Variants in FIGNL2 observed in about 807,000 individuals in gnomAD.
The protein encoded by FIGNL2 is fidgetin like 2.
For synonymous variants in FIGNL2, 565 were observed against 484.0 expected, an observed-to-expected ratio of 1.17 and a Z score of -2.20; for missense variants, 1,060 against 950.2, an observed-to-expected ratio of 1.12 and a Z score of -1.52.
chr12:51,821,822 G>T lies in FIGNL2; in HGVS notation c.592C>A (p.Pro198Thr). The T allele has an allele frequency of 7.8e-7, 1 of 1,276,312 alleles. No individual in the cohort carries two copies. The allele number at this position is 1,276,312 out of a possible 1,614,324, so 79.1% of individuals were successfully genotyped here. A position where few individuals can be genotyped will look rare whatever the true frequency, so the allele number is the denominator to read the frequency against. The change falls in exon 2 of 2, where the codon CCC becomes ACC. Residue 198 changes from proline to threonine, a missense_variant. Physicochemically the swap from Pro to Thr is conservative, Grantham distance 38. Coordinates refer to ENST00000618634, the MANE Select transcript of FIGNL2 (RefSeq NM_001384995.1). ...GGATAGTTGTACAGCGGCGCTGAGG[G>T]CCCGTACCCCGGAGGCGGTGGGGGC... ...LQPPPPPGYG[P>T]SAPLYNYPAG...
intron 1 of FIGNL2, chr12:51,847,907 A>G: frequency 1.2e-6 from 1 of 865,268 alleles, no homozygotes; most frequent in Non-Finnish European, 1.4e-6. Context: ...AGGTGAGTAC[A>G]GCCTCCTACA....
At chr12:51,829,420 G>T (rs1205057727) in intron 1 of FIGNL2, among the ~76,000 whole-genome samples, 1 of 152,092 alleles carries the variant, frequency 6.6e-6, no homozygotes, top group Non-Finnish European at 1.5e-5. Context: ...AGGGGACTCT[G>T]GAAGACTGGT....
Position 51,818,597 on chromosome 12 carries a change from G to A in FIGNL2, c.*1855C>T, listed in dbSNP as rs1361296286. 6.6e-6 allele frequency: 1 copy of A among 152,492 alleles called. No homozygotes were observed. The highest frequency in any genetic ancestry group is 1.5e-5 in the Non-Finnish European group (1 of 68,370). 9.4% of individuals were successfully genotyped at this position (152,492 alleles called of 1,614,324 possible). A position where few individuals can be genotyped will look rare whatever the true frequency, so the allele number is the denominator to read the frequency against. ...CACTCCTAGGCCAGCACAGGCCCTGGGTGCCAGGGCCCCTGAAAGATCCCC... is the reference window on the plus strand; with the variant it reads ...CACTCCTAGGCCAGCACAGGCCCTGAGTGCCAGGGCCCCTGAAAGATCCCC... On this transcript the variant is annotated 3_prime_UTR_variant, in exon 2 of 2. Coordinates refer to ENST00000618634, the MANE Select transcript of FIGNL2 (RefSeq NM_001384995.1).
intron 1 of FIGNL2, among the ~76,000 whole-genome samples, chr12:51,843,993 A>G (rs1352888555): frequency 6.6e-6 from 1 of 150,958 alleles, no homozygotes; most frequent in Non-Finnish European, 1.5e-5. Flanking sequence ...CCCCATCCTC[A>G]CTCCTATGCT....
Position 51,822,110 on chromosome 12 carries a change from G to T in FIGNL2, c.304C>A (p.Pro102Thr), listed in dbSNP as rs754581512. The T allele has an allele frequency of 8.7e-6, 14 of 1,610,998 alleles. No individual in the cohort carries two copies. The South Asian group carries it at 1.1e-4, about 13-fold the overall frequency. Residue 102 changes from proline (P) to threonine (T), a missense_variant, in exon 2 of 2, where the codon CCG becomes ACG. Transcript: ENST00000618634. ...AKGDPEPWPGPEPPYPLASLH... is the reference protein window; with the variant it reads ...AKGDPEPWPGTEPPYPLASLH... Reference sequence around the variant, plus strand: ...GAGGCCAAGGGGTAGGGTGGCTCCGGCCCTGGCCAGGGCTCGGGATCCCCT... The same window carrying T: ...GAGGCCAAGGGGTAGGGTGGCTCCGTCCCTGGCCAGGGCTCGGGATCCCCT...
At chr12:51,834,087 A>ATGGGTGGATGGTTG (rs1565946347) in intron 1 of FIGNL2, among the ~76,000 whole-genome samples, 1 of 128,956 alleles carries the variant, frequency 7.8e-6, no homozygotes, top group Admixed American at 7.4e-5. Flanking sequence ...ATAGACAGAC[A>ATGGGTGGATGGTTG]GACGGATGGG....
chr12:51,845,193 A>G (rs781769936), intron 1 of FIGNL2, among the ~76,000 whole-genome samples: 4 of 152,342 alleles, frequency 2.6e-5, no homozygotes, highest in Non-Finnish European at 5.9e-5. Flanking sequence ...TCCATGCCCT[A>G]GTATTCCTGG....
chr12:51,846,308 G>A (rs1026572485), intron 1 of FIGNL2, among the ~76,000 whole-genome samples: 1 of 152,228 alleles, frequency 6.6e-6, no homozygotes, highest in African/African-American at 2.4e-5. Context: ...TGATGCGGAG[G>A]AGGTGCGCAT....
chr12:51,832,354 A>ATC (rs1939488530), intron 1 of FIGNL2, among the ~76,000 whole-genome samples: 2 of 150,926 alleles, frequency 1.3e-5, no homozygotes, highest in Admixed American at 6.6e-5. Context: ...GCTACATTCT[A>ATC]TCTCTCTCTC....
intron 1 of FIGNL2, chr12:51,847,557 C>T: frequency 1.0e-6 from 1 of 985,460 alleles, no homozygotes; most frequent in Non-Finnish European, 1.2e-6. Context: ...GTCCCTTTAA[C>T]AGCCCACCCA....
chr12:51,822,318 C>T lies in FIGNL2; in HGVS notation c.96G>A (p.Leu32=). 1 of 1,612,920 alleles carries T rather than the reference C, an allele frequency of 6.2e-7. No individual in the cohort carries two copies. Among genetic ancestry groups the T allele is most frequent in the Non-Finnish European group, 8.5e-7 (1 of 1,179,552 alleles). The part of the protein sequence containing the change: ...SSTTPSPAHK[L]ELPPGGRQRC... ...GTTGGCGACCCCCAGGGGGCAACTC[C>T]AACTTGTGGGCCGGCGACGGGGTGG... The change falls in exon 2 of 2, where the codon TTG becomes TTA. Residue 32 remains leucine, a synonymous_variant. Coordinates refer to ENST00000618634, the MANE Select transcript of FIGNL2 (RefSeq NM_001384995.1).
chr12:51,818,852 G>C lies in FIGNL2; in HGVS notation c.*1600C>G, dbSNP rs1441560922. The C allele has an allele frequency of 6.6e-6, 1 of 152,314 alleles. No homozygotes were observed. Among genetic ancestry groups the C allele is most frequent in the African/African-American group, 2.4e-5 (1 of 41,430 alleles). The allele number at this position is 152,314 out of a possible 1,614,324, so 9.4% of individuals were successfully genotyped here. ...TGGGAAGGAGAGAAATATGGTTCTTGGAAGGGTTCCAAGCCTAGTGGAAAG... is the reference window on the plus strand; with the variant it reads ...TGGGAAGGAGAGAAATATGGTTCTTCGAAGGGTTCCAAGCCTAGTGGAAAG... On this transcript the variant is annotated 3_prime_UTR_variant, in exon 2 of 2. Coordinates refer to ENST00000618634, the MANE Select transcript of FIGNL2 (RefSeq NM_001384995.1).
At chr12:51,834,109 TTGGATGGATGGATGGATGGA>T (rs75418518) in intron 1 of FIGNL2, among the ~76,000 whole-genome samples, 2 of 134,006 alleles carry the variant, frequency 1.5e-5, no homozygotes, top group African/African-American at 2.7e-5. Flanking sequence ...GGATGGATGG[TTGGATGGATGGATGGATGGA>T]TGGATGGATG....
Position 51,821,406 on chromosome 12 carries a change from G to C in FIGNL2, c.1008C>G (p.Pro336=), listed in dbSNP as rs754956621. The C allele has an allele frequency of 1.1e-5, 17 of 1,529,358 alleles. No individual in the cohort carries two copies. Among genetic ancestry groups the C allele is most frequent in the Non-Finnish European group, 1.4e-5 (16 of 1,140,636 alleles). 94.7% of individuals were successfully genotyped at this position (1,529,358 alleles called of 1,614,324 possible). A position where few individuals can be genotyped will look rare whatever the true frequency, so the allele number is the denominator to read the frequency against. The change falls in exon 2 of 2, where the codon CCC becomes CCG. Residue 336 remains proline, a synonymous_variant. Transcript: ENST00000618634. ...AGGGCTCCAGTTGCGGGCCGTAGAC[G>C]GGGGAGCCCAGGACCTTGAGGGGGA... ...GGVPLKVLGS[P]VYGPQLEPFE... is the part of the protein sequence containing the mutation.
chr12:51,848,582 G>C lies in FIGNL2; in HGVS notation c.-54C>G. Reference sequence around the variant, plus strand: ...GTCCTAGGTGAGTGTGCGCGGCCTGGGGGCGCGTCCGGCCCGGGGACCGGG... The same window carrying C: ...GTCCTAGGTGAGTGTGCGCGGCCTGCGGGCGCGTCCGGCCCGGGGACCGGG... On this transcript the variant is annotated 5_prime_UTR_variant, in exon 1 of 2. Transcript: ENST00000618634. 4.1e-6 allele frequency: 4 copies of C among 980,796 alleles called. No individual in the cohort carries two copies. Among genetic ancestry groups the C allele is most frequent in the Non-Finnish European group, 4.8e-6 (4 of 826,222 alleles). The allele number at this position is 980,796 out of a possible 1,614,324, so 60.8% of individuals were successfully genotyped here.
At chr12:51,833,011 G>A (rs1011366571) in intron 1 of FIGNL2, among the ~76,000 whole-genome samples, 3 of 152,144 alleles carry the variant, frequency 2.0e-5, no homozygotes, top group African/African-American at 7.2e-5. Flanking sequence ...CCTCAGGGAT[G>A]CTATCACCTG....
intron 1 of FIGNL2, among the ~76,000 whole-genome samples, chr12:51,834,018 CGGAT>C (rs1190983636): frequency 5.0e-5 from 5 of 100,042 alleles, no homozygotes; most frequent in Non-Finnish European, 6.9e-5. Flanking sequence ...GACAAATGGA[CGGAT>C]GGATGGATGG....
At chr12:51,829,819 AAGAGAGGGAGGG>A (rs1565944876) in intron 1 of FIGNL2, among the ~76,000 whole-genome samples, 1 of 150,546 alleles carries the variant, frequency 6.6e-6, no homozygotes, top group Admixed American at 6.6e-5. Flanking sequence ...AAAAGGAAGG[AAGAGAGGGAGGG>A]AGAGAGGGAG....
chr12:51,822,471 C>T, intron 1 of FIGNL2, 47 bp from the exon 2 acceptor site: 1 of 1,600,508 alleles, frequency 6.2e-7, no homozygotes, highest in South Asian at 1.1e-5. Context: ...CCACCGAGGA[C>T]CCAGTGGGCC....
Sources: allele counts gnomAD v4.1 joint callset (sites outside exome capture counted in the v4.1 genomes callset), GRCh38; gene constraint gnomAD v4.1.1; transcripts MANE v1.5; gene names NCBI Gene and HGNC (gene_info 2026-07-23, HGNC 2026-07-21).